Variants in TG observed in about 807,000 individuals in gnomAD.
TG encodes the protein thyroid hormones.
A neutral mutation model predicts 324.7 loss-of-function variants in TG; 270 were observed. That is an observed-to-expected ratio of 0.83 (90% CI 0.75 to 0.92). The LOEUF (loss-of-function observed/expected upper bound fraction) is 0.92. Among genes scored for constraint, TG ranks in the 40% least tolerant of loss-of-function variants. The pLI, the probability that TG is intolerant of heterozygous loss-of-function variation, is 0.00. For synonymous variants in TG, 1,401 were observed against 1,327.0 expected (o/e 1.06, Z -1.21); for missense variants, 3,591 against 3,456.4 (o/e 1.04, Z -0.98).
intron 37 of TG, among the ~76,000 whole-genome samples, chr8:133,014,060 G>A (rs1207191643): frequency 6.6e-6 from 1 of 152,172 alleles, no homozygotes; most frequent in Admixed American, 6.5e-5. Context: ...TCTTTCACAG[G>A]CCTTATCTCA....
chr8:133,082,874 C>A lies in TG; in HGVS notation c.7240-12170C>A, dbSNP rs575446295. 1.6e-4 allele frequency among the ~76,000 whole-genome samples: 24 copies of A among 152,294 alleles called. No homozygotes were observed. In the South Asian group the frequency reaches 4.8e-3, roughly 30 times the overall value. On this transcript the variant is annotated intron_variant, in intron 41 of 47. Transcript: ENST00000220616. ...TATTGTTATCAGTTTATGCTGATAG[C>A]AATTTGCCAAAGCAAACTCGAAACT...
chr8:133,090,632 T>G (rs2702987), intron 41 of TG, among the ~76,000 whole-genome samples: 10,712 of 152,262 alleles, frequency 0.07, 1,221 homozygotes, highest in African/African-American at 0.24. Context: ...TTCCTAATGA[T>G]GAATACAACC....
At chr8:132,910,613 C>G (rs1819378779) in intron 18 of TG, among the ~76,000 whole-genome samples, 2 of 152,108 alleles carry the variant, frequency 1.3e-5, no homozygotes, top group Admixed American at 1.3e-4. Flanking sequence ...GATCCTTGCC[C>G]CTTCCACCAT....
intron 35 of TG, among the ~76,000 whole-genome samples, chr8:132,991,652 G>A (rs1168075898): frequency 6.6e-6 from 1 of 152,122 alleles, no homozygotes; most frequent in African/African-American, 2.4e-5. Flanking sequence ...AAGACATGCC[G>A]GTTAGCACAC....
At position 132,966,430 on chromosome 8, in the gene TG, C is replaced by T. The variant is rs917961387; in HGVS notation, c.5549-130C>T. The T allele has an allele frequency of 4.1e-6, 5 of 1,219,276 alleles. No homozygotes were observed. The African/African-American group carries it at 7.5e-5, about 18-fold the overall frequency. The allele number at this position is 1,219,276 out of a possible 1,614,324, so 75.5% of individuals were successfully genotyped here. ...TCACACAGCATAAAAATGTCTCTGT[C>T]TCTATCTCTGACACTTTCTCTCTCT... On this transcript the variant is annotated intron_variant, in intron 29 of 47. Coordinates refer to ENST00000220616, the MANE Select transcript of TG (RefSeq NM_003235.5).
chr8:133,070,022 AAAAAG>A (rs1564149169), intron 41 of TG, among the ~76,000 whole-genome samples: 4 of 92,802 alleles, frequency 4.3e-5, no homozygotes, highest in South Asian at 2.7e-4. Context: ...AAAAAAAAAA[AAAAAG>A]AAAGAAAGAA....
rs549104772 is a variant in TG, at chr8:132,891,056, G to A, written c.2761+2488G>A. On this transcript the variant is annotated intron_variant, in intron 10 of 47. Coordinates refer to ENST00000220616, the MANE Select transcript of TG (RefSeq NM_003235.5). ...CAGGAAAGTAATAAATGGCAATGGTGGAACAGAGGTATGTACGTGGAAAAT... is the reference window on the plus strand; with the variant it reads ...CAGGAAAGTAATAAATGGCAATGGTAGAACAGAGGTATGTACGTGGAAAAT... Among the ~76,000 whole-genome samples the A allele has an allele frequency of 2.6e-5, 4 of 152,314 alleles. No individual in the cohort carries two copies. The East Asian group carries it at 7.7e-4, about 29-fold the overall frequency.
chr8:133,119,760 C>T (rs1002777357), intron 45 of TG, among the ~76,000 whole-genome samples: 8 of 152,152 alleles, frequency 5.3e-5, no homozygotes, highest in Non-Finnish European at 8.8e-5. Context: ...ATGATTCCCT[C>T]GAGGACAAGC....
At chr8:133,050,132 T>A (rs1840135900) in intron 41 of TG, 1 of 675,050 alleles carries the variant, frequency 1.5e-6, no homozygotes, top group Admixed American at 2.3e-5. Flanking sequence ...TAACCCATAT[T>A]TCGTCATCTG....
In TG at chr8:132,972,588, T is replaced by TC. The variant is rs1554685665; in HGVS notation, c.6056-8dup. ...ATTGTGGTTTTTTGTTTTTTTTTTT[T>TC]CCACCCCAGGAGGAGAGGTGACATG... On this transcript the variant is annotated splice_polypyrimidine_tract_variant and intron_variant, in intron 33 of 47. Coordinates refer to ENST00000220616, the MANE Select transcript of TG (RefSeq NM_003235.5). 3.2e-5 allele frequency: 52 copies of TC among 1,608,984 alleles called. No homozygotes were observed. The highest frequency in any genetic ancestry group is 4.0e-5 in the African/African-American group (3 of 74,076).
intron 41 of TG, among the ~76,000 whole-genome samples, chr8:133,065,797 A>T (rs1842954469): frequency 2.0e-5 from 3 of 151,886 alleles, no homozygotes; most frequent in South Asian, 4.1e-4. Flanking sequence ...AAAATAAAAT[A>T]AAAAAGTAAA....
At chr8:133,048,029 A>G (rs1191955768) in intron 41 of TG, 2 of 667,902 alleles carry the variant, frequency 3.0e-6, no homozygotes, top group African/African-American at 1.8e-5. Flanking sequence ...CCTGAAACCT[A>G]ATCCTCACCT....
In TG at chr8:132,872,938, C is replaced by T. The variant is rs115301667; in HGVS notation, c.479-124C>T. 5,044 of 1,078,678 alleles carry T rather than the reference C, an allele frequency of 4.7e-3. 167 individuals are homozygous for T. The African/African-American group carries it at 0.07, about 15-fold the overall frequency. The allele number at this position is 1,078,678 out of a possible 1,614,324, so 66.8% of individuals were successfully genotyped here. ...TATGATGTTCACACGACAATGAAACCGCCGAACGATGCATTTCTCAGAGCT... is the reference window on the plus strand; with the variant it reads ...TATGATGTTCACACGACAATGAAACTGCCGAACGATGCATTTCTCAGAGCT... On this transcript the variant is annotated intron_variant, in intron 4 of 47. Transcript: ENST00000220616.
At chr8:133,038,666 C>A in intron 41 of TG, 1 of 1,614,002 alleles carries the variant, frequency 6.2e-7, no homozygotes, top group Non-Finnish European at 8.5e-7. Flanking sequence ...AATGCTCTCT[C>A]GAAGGCCATA....
At chr8:132,894,065 C>T in intron 11 of TG, 136 bp downstream of exon 11, 1 of 1,390,546 alleles carries the variant, frequency 7.2e-7, no homozygotes, top group Non-Finnish European at 1.0e-6. Flanking sequence ...AAGGAAAAGG[C>T]AAAGTGGTTT....
In TG at chr8:132,887,564, A is replaced by G. The variant is rs750814947; in HGVS notation, c.2176+16A>G. 2 of 1,614,198 alleles carry G rather than the reference A, an allele frequency of 1.2e-6. No individual in the cohort carries two copies. Among genetic ancestry groups the G allele is most frequent in the Non-Finnish European group, 1.7e-6 (2 of 1,180,030 alleles). On this transcript the variant is annotated intron_variant, in intron 9 of 47. Coordinates refer to ENST00000220616, the MANE Select transcript of TG (RefSeq NM_003235.5). ...CCCAAGAAATGTAAGTCTGTTGGGT[A>G]TTCAATCTGTAGGTTCCCTGAGTCT...
In TG at chr8:132,971,496, G is replaced by A. The variant is rs75845288; in HGVS notation, c.5976-298G>A. 0.015 allele frequency among the ~76,000 whole-genome samples: 2,345 copies of A among 152,248 alleles called. 51 individuals are homozygous for A. The highest frequency in any genetic ancestry group is 0.053 in the African/African-American group (2,202 of 41,528). On this transcript the variant is annotated intron_variant, in intron 32 of 47. Coordinates refer to ENST00000220616, the MANE Select transcript of TG (RefSeq NM_003235.5). ...TGAAAGAGTACATTCTGGATCCTGG[G>A]TTAGCTTGGTTGGAGCCTGGCACAT...
At chr8:132,882,051 G>T in intron 6 of TG, 82 bp downstream of exon 6, 1 of 1,059,930 alleles carries the variant, frequency 9.4e-7, no homozygotes, top group Non-Finnish European at 1.5e-6. Flanking sequence ...TGCTTGTAAA[G>T]CACAGCTAGA....
intron 43 of TG, among the ~76,000 whole-genome samples, chr8:133,107,529 C>T (rs1353327099): frequency 6.6e-6 from 1 of 152,228 alleles, no homozygotes; most frequent in Non-Finnish European, 1.5e-5. Flanking sequence ...CCTGCTGACT[C>T]TCTAATTAAA....
Sources: allele counts gnomAD v4.1 joint callset (sites outside exome capture counted in the v4.1 genomes callset), GRCh38; gene constraint gnomAD v4.1.1; transcripts MANE v1.5; gene names NCBI Gene and HGNC (gene_info 2026-07-23, HGNC 2026-07-21).